CADPS2: variants seen among roughly 807,000 people sequenced by gnomAD.
CADPS2 encodes calcium-dependent secretion activator 2.
CADPS2 carries 93 observed loss-of-function variants against 172.5 expected under a neutral mutation model. The ratio of observed to expected loss-of-function variants is 0.54; its 90% CI spans 0.46 to 0.64. The LOEUF (loss-of-function observed/expected upper bound fraction) is 0.64, where lower values mean the gene tolerates loss of function less well. Among genes scored for constraint, CADPS2 ranks in the 30% least tolerant of loss-of-function variants. The pLI is 0.00. For synonymous variants in CADPS2, 546 were observed against 555.2 expected, an observed-to-expected ratio of 0.98 and a Z score of 0.23; for missense variants, 1,420 against 1,565.9, an observed-to-expected ratio of 0.91 and a Z score of 1.57.
At chr7:122,506,591 C>T (rs772152855) in intron 9 of CADPS2, among the ~76,000 whole-genome samples, 16 of 152,208 alleles carry the variant, frequency 1.1e-4, no homozygotes, top group East Asian at 3.9e-4. Flanking sequence ...GTTTGTATGT[C>T]GTATTCCTAC....
chr7:122,658,285 G>A (rs2080065114), intron 3 of CADPS2, among the ~76,000 whole-genome samples: 1 of 152,208 alleles, frequency 6.6e-6, no homozygotes, highest in Admixed American at 6.5e-5. Context: ...CTTTTACACT[G>A]TTGGTGGGAC....
At chr7:122,838,879 C>T (rs541391256) in intron 1 of CADPS2, among the ~76,000 whole-genome samples, 6 of 152,108 alleles carry the variant, frequency 3.9e-5, no homozygotes, top group East Asian at 1.9e-4. Flanking sequence ...ATTCAATGCC[C>T]TCCCCATCAA....
Position 122,667,909 on chromosome 7 carries a change from C to G in CADPS2, c.454-4340G>C, listed in dbSNP as rs533929717. 2.6e-5 allele frequency among the ~76,000 whole-genome samples: 4 copies of G among 152,038 alleles called. No individual in the cohort carries two copies. The South Asian group carries it at 8.3e-4, about 32-fold the overall frequency. ...GGACTTTCATACTAGCAGGGACATT[C>G]ACTATAAGAGTGGGGGCCACGTGGG... On this transcript the variant is annotated intron_variant, in intron 2 of 29. Transcript: ENST00000449022.
intron 9 of CADPS2, among the ~76,000 whole-genome samples, chr7:122,513,005 G>C (rs1478314155): frequency 2.0e-5 from 3 of 152,138 alleles, no homozygotes; most frequent in Admixed American, 2.0e-4. Flanking sequence ...TATTAAGCCA[G>C]AGGGTAAAGA....
intron 7 of CADPS2, among the ~76,000 whole-genome samples, chr7:122,576,413 T>C (rs2068045384): frequency 1.3e-5 from 2 of 152,208 alleles, no homozygotes; most frequent in Non-Finnish European, 2.9e-5. Context: ...AGTGGAGCTA[T>C]GTCATACCTG....
intron 25 of CADPS2, among the ~76,000 whole-genome samples, chr7:122,373,000 A>G (rs564830223): frequency 6.6e-6 from 1 of 152,332 alleles, no homozygotes; most frequent in African/African-American, 2.4e-5. Context: ...CAGAGTCACA[A>G]TATATAATTT....
chr7:122,684,777 T>C (rs1471306409), intron 2 of CADPS2, among the ~76,000 whole-genome samples: 1 of 152,114 alleles, frequency 6.6e-6, no homozygotes, highest in Non-Finnish European at 1.5e-5. Flanking sequence ...CACCAGAGAA[T>C]GAGTTGCTAC....
At chr7:122,490,922 G>A (rs1052229421) in intron 10 of CADPS2, among the ~76,000 whole-genome samples, 1 of 152,078 alleles carries the variant, frequency 6.6e-6, no homozygotes, top group African/African-American at 2.4e-5. Flanking sequence ...GGGAGAGAGA[G>A]AAGTACAAGC....
At chr7:122,396,558 A>C (rs1464430174) in intron 20 of CADPS2, among the ~76,000 whole-genome samples, 1 of 152,212 alleles carries the variant, frequency 6.6e-6, no homozygotes, top group African/African-American at 2.4e-5. Flanking sequence ...ATGGTATGAA[A>C]GCTTTCCAAG....
chr7:122,396,226 A>G (rs2045106331), intron 20 of CADPS2, among the ~76,000 whole-genome samples: 1 of 152,210 alleles, frequency 6.6e-6, no homozygotes, highest in Non-Finnish European at 1.5e-5. Context: ...ACTCCTTGTT[A>G]ACCTCTATAA....
At chr7:122,542,208 A>G (rs2063174489) in intron 8 of CADPS2, among the ~76,000 whole-genome samples, 1 of 152,088 alleles carries the variant, frequency 6.6e-6, no homozygotes, top group South Asian at 2.1e-4. Context: ...CCTTAAGATC[A>G]CACAGTGATG....
At chr7:122,737,124 G>T in intron 1 of CADPS2, 56 bp from the exon 2 acceptor site, 1 of 856,972 alleles carries the variant, frequency 1.2e-6, no homozygotes, top group Non-Finnish European at 2.0e-6. Flanking sequence ...AAAAAATAAT[G>T]ACTATTAAAA....
intron 9 of CADPS2, among the ~76,000 whole-genome samples, chr7:122,508,227 C>T (rs1490012998): frequency 6.6e-6 from 1 of 151,662 alleles, no homozygotes; most frequent in East Asian, 1.9e-4. Flanking sequence ...GATTTTTAGC[C>T]AGCAATTTCA....
chr7:122,557,110 G>C (rs886457466), intron 7 of CADPS2, among the ~76,000 whole-genome samples: 4 of 152,098 alleles, frequency 2.6e-5, no homozygotes, highest in Non-Finnish European at 5.9e-5. Flanking sequence ...CCACAGATAC[G>C]AAATCTTCTG....
intron 1 of CADPS2, among the ~76,000 whole-genome samples, chr7:122,816,893 TG>T (rs750429138): frequency 6.6e-6 from 1 of 151,570 alleles, no homozygotes; most frequent in African/African-American, 2.4e-5. Flanking sequence ...GGCCGATCCT[TG>T]CCTTAAATGA....
chr7:122,759,590 C>T (rs1018457029), intron 1 of CADPS2, among the ~76,000 whole-genome samples: 1 of 152,118 alleles, frequency 6.6e-6, no homozygotes, highest in Admixed American at 6.5e-5. Context: ...ATCTTCTGAA[C>T]ATTATGTAGA....
chr7:122,816,237 C>T (rs977961193), intron 1 of CADPS2, among the ~76,000 whole-genome samples: 1 of 141,302 alleles, frequency 7.1e-6, no homozygotes, highest in Non-Finnish European at 1.5e-5. Context: ...TCTATCTCCA[C>T]GAGATCAATT....
intron 1 of CADPS2, among the ~76,000 whole-genome samples, chr7:122,760,349 G>A (rs901154759): frequency 2.6e-5 from 4 of 151,952 alleles, no homozygotes; most frequent in African/African-American, 7.3e-5. Context: ...CATTTTTCAT[G>A]TTTAGCAGAT....
chr7:122,729,007 TTACCCTCTA>T (rs2091382336), intron 2 of CADPS2, among the ~76,000 whole-genome samples: 1 of 151,752 alleles, frequency 6.6e-6, no homozygotes, highest in Non-Finnish European at 1.5e-5. Flanking sequence ...CAACCTCTCT[TTACCCTCTA>T]TCCAACACCT....
Sources: allele counts gnomAD v4.1 joint callset (sites outside exome capture counted in the v4.1 genomes callset), GRCh38; gene constraint gnomAD v4.1.1; transcripts MANE v1.5; gene names NCBI Gene and HGNC (gene_info 2026-07-23, HGNC 2026-07-21).